Variants in NRAP observed in about 807,000 individuals in gnomAD.
NRAP encodes nebulin-related-anchoring protein.
NRAP carries 189 observed loss-of-function variants against 225.9 expected under a neutral mutation model. That is an observed-to-expected ratio of 0.84 (90% CI 0.74 to 0.94). The LOEUF is 0.94. Ranked by LOEUF, NRAP falls within the 40% of genes least tolerant of loss-of-function variation. The pLI is 0.00. For missense variants in NRAP, 2,176 were observed against 2,168.7 expected (o/e 1.00, Z -0.07); for synonymous variants, 769 against 790.7 (o/e 0.97, Z 0.46).
intron 2 of NRAP, 93 bp from the exon 3 acceptor site, chr10:113,662,859 T>C (rs1850770591): frequency 5.2e-6 from 3 of 581,410 alleles, no homozygotes. Flanking sequence ...TAATAACAGT[T>C]ATTTTTAAAA....
At position 113,626,341 on chromosome 10, in the gene NRAP, GC is replaced by G. The variant is rs200004071; in HGVS notation, c.2146-197del. Among the ~76,000 whole-genome samples, 891 of 152,274 alleles carry G rather than the reference GC, an allele frequency of 5.9e-3. 6 individuals carry two copies. The highest frequency in any genetic ancestry group is 0.02 in the African/African-American group (817 of 41,530). ...CTGTTCCAGTGAACTTGATTTAGTTGCTATTACTGAATGGGAAATGTAATTT... is the reference window on the plus strand; with the variant it reads ...CTGTTCCAGTGAACTTGATTTAGTTGTATTACTGAATGGGAAATGTAATTT... On this transcript the variant is annotated intron_variant, in intron 20 of 41. Transcript: ENST00000359988.
intron 27 of NRAP, 28 bp downstream of exon 27, chr10:113,615,684 A>T: frequency 7.6e-7 from 1 of 1,316,138 alleles, no homozygotes; most frequent in Non-Finnish European, 1.1e-6. Flanking sequence ...CCCGTCATTA[A>T]AACTCGTGCC....
rs1390388471 is a variant in NRAP, at chr10:113,640,338, C to G, written c.1324-7G>C. 4 of 1,490,546 alleles carry G rather than the reference C, an allele frequency of 2.7e-6. No individual in the cohort carries two copies. In the African/African-American group the frequency reaches 4.3e-5, roughly 16 times the overall value. The allele number at this position is 1,490,546 out of a possible 1,614,324, so 92.3% of individuals were successfully genotyped here. ...AATCAGCTTTGTAGGCAACCTAAAA[C>G]AGGAAGAAAAGAAGAAGAATGGAGA... On this transcript the variant is annotated splice_region_variant and splice_polypyrimidine_tract_variant and intron_variant, in intron 13 of 41. Transcript: ENST00000359988.
intron 31 of NRAP, among the ~76,000 whole-genome samples, chr10:113,608,759 A>G (rs1328574500): frequency 6.6e-6 from 1 of 152,224 alleles, no homozygotes; most frequent in Non-Finnish European, 1.5e-5. Context: ...GTCCTTTGCC[A>G]TGAATGTGAA....
intron 25 of NRAP, among the ~76,000 whole-genome samples, chr10:113,618,036 A>G (rs1362899712): frequency 6.6e-6 from 1 of 152,088 alleles, no homozygotes; most frequent in Non-Finnish European, 1.5e-5. Flanking sequence ...GTCCAGTCAC[A>G]TTAGAGCCTA....
At chr10:113,602,307 A>G (rs186704825) in intron 35 of NRAP, among the ~76,000 whole-genome samples, 1 of 152,292 alleles carries the variant, frequency 6.6e-6, no homozygotes, top group Non-Finnish European at 1.5e-5. Context: ...TACCTCTCCC[A>G]GGTGGCCTCT....
chr10:113,612,718 G>A (rs1847409121), intron 29 of NRAP, among the ~76,000 whole-genome samples: 1 of 152,206 alleles, frequency 6.6e-6, no homozygotes, highest in Non-Finnish European at 1.5e-5. Context: ...AATAATGTCA[G>A]TGATTCCCTT....
rs574450557 is a variant in NRAP, at chr10:113,640,340, G to A, written c.1324-9C>T. 6.8e-7 allele frequency: 1 copy of A among 1,464,812 alleles called. No homozygotes were observed. Among genetic ancestry groups the A allele is most frequent in the Non-Finnish European group, 9.3e-7 (1 of 1,071,762 alleles). The allele number at this position is 1,464,812 out of a possible 1,614,324, so 90.7% of individuals were successfully genotyped here. On this transcript the variant is annotated splice_polypyrimidine_tract_variant and intron_variant, in intron 13 of 41. Transcript: ENST00000359988. ...TCAGCTTTGTAGGCAACCTAAAACA[G>A]GAAGAAAAGAAGAAGAATGGAGAAA...
At chr10:113,652,438 A>C (rs3127112) in intron 6 of NRAP, among the ~76,000 whole-genome samples, 1 of 151,888 alleles carries the variant, frequency 6.6e-6, no homozygotes, top group African/African-American at 2.4e-5. Flanking sequence ...TCAAGAGATT[A>C]AGACCATCCT....
chr10:113,610,527 C>T lies in NRAP; in HGVS notation c.3535G>A (p.Val1179Ile), dbSNP rs748612114. 7 of 1,604,052 alleles carry T rather than the reference C, an allele frequency of 4.4e-6. No homozygotes were observed. The East Asian group carries it at 1.3e-4, about 31-fold the overall frequency. The change falls in exon 31 of 42, where the codon GTT becomes ATT. Residue 1179 changes from valine to isoleucine, a missense_variant. By Grantham distance (29) the Val-to-Ile change is conservative (BLOSUM62 3). Transcript: ENST00000359988. ...YRSDLNFMRGVACVIPGTLEI... is the reference protein window; with the variant it reads ...YRSDLNFMRGIACVIPGTLEI... The stretch of plus-strand genomic sequence containing the variant: ...AACGTGCCTGGAATGACACATGCAA[C>T]ACCTCGCATAAAGTTCAGGTCTGAC...
chr10:113,629,729 A>C lies in NRAP; in HGVS notation c.1899T>G (p.Asp633Glu), dbSNP rs764450482. The C allele has an allele frequency of 5.0e-6, 8 of 1,613,922 alleles. No homozygotes were observed. Among genetic ancestry groups the C allele is most frequent in the Admixed American group, 1.7e-5 (1 of 60,008 alleles). Reference sequence around the variant, plus strand: ...TCTTAGCATGCCTGATGTTTACCATATCCATGGGCAGGTGAAACCGGGTCT... The same window carrying C: ...TCTTAGCATGCCTGATGTTTACCATCTCCATGGGCAGGTGAAACCGGGTCT... The part of the protein sequence containing the change: ...ESKTRFHLPM[D>E]MVNIRHAKKA... Residue 633 changes from aspartate to glutamate, a missense_variant, in exon 19 of 42, where the codon GAT becomes GAG. Asp to Glu is a conservative substitution (Grantham distance 45, BLOSUM62 2). Coordinates refer to ENST00000359988, the MANE Select transcript of NRAP (RefSeq NM_198060.4).
At position 113,588,991 on chromosome 10, in the gene NRAP, T is replaced by C. The variant is rs148467563; in HGVS notation, c.5177A>G (p.Lys1726Arg). The C allele has an allele frequency of 1.2e-6, 2 of 1,608,272 alleles. No homozygotes were observed. Among genetic ancestry groups the C allele is most frequent in the South Asian group, 1.1e-5 (1 of 91,046 alleles). The change falls in exon 42 of 42, where the codon AAG becomes AGG. Residue 1726 changes from lysine to arginine, a missense_variant. This residue lies in a region of NRAP where 445 missense variants were observed against 426.1 expected (regional missense o/e 1.04). Coordinates refer to ENST00000359988, the MANE Select transcript of NRAP (RefSeq NM_198060.4). ...GGACATGGCTCACAACAGCAGGGCC[T>C]TCTTCTTTTTGACGTGCAGAATCTC... ...ATEILHVKKK[K>R]ALLL
chr10:113,634,096 A>G lies in NRAP; in HGVS notation c.1527+16T>C. The G allele has an allele frequency of 6.4e-7, 1 of 1,571,830 alleles. No homozygotes were observed. Among genetic ancestry groups the G allele is most frequent in the Non-Finnish European group, 8.8e-7 (1 of 1,141,532 alleles). ...TCAAGACCCCTACATCCAGCTGGGCAGGGACAGTTACTTACATGACTCAGC... is the reference window on the plus strand; with the variant it reads ...TCAAGACCCCTACATCCAGCTGGGCGGGGACAGTTACTTACATGACTCAGC... On this transcript the variant is annotated intron_variant, in intron 15 of 41. Coordinates refer to ENST00000359988, the MANE Select transcript of NRAP (RefSeq NM_198060.4).
intron 35 of NRAP, among the ~76,000 whole-genome samples, chr10:113,602,956 G>A (rs1163270408): frequency 6.6e-6 from 1 of 152,186 alleles, no homozygotes; most frequent in African/African-American, 2.4e-5. Flanking sequence ...TAAAGACCAC[G>A]GATGTTACTA....
Position 113,608,453 on chromosome 10 carries a change from G to A in NRAP, c.3663C>T (p.Asn1221=), listed in dbSNP as rs751131740. 4 of 1,613,482 alleles carry A rather than the reference G, an allele frequency of 2.5e-6. No individual in the cohort carries two copies. The African/African-American group carries it at 4.0e-5, about 16-fold the overall frequency. ...GGTTGCTGAATTTCGCATGAAGGAG[G>A]TTGGGAGTGTCTGTCACAGCTGTGT... is the stretch of plus-strand genomic sequence containing the variant. ...FKYTAVTDTP[N]LLHAKFSNQI... Residue 1221 remains asparagine (N), a synonymous_variant, in exon 32 of 42, where the codon AAC becomes AAT. Coordinates refer to ENST00000359988, the MANE Select transcript of NRAP (RefSeq NM_198060.4).
intron 4 of NRAP, among the ~76,000 whole-genome samples, chr10:113,654,615 T>C (rs973554869): frequency 6.6e-6 from 1 of 151,668 alleles, no homozygotes; most frequent in African/African-American, 2.4e-5. Flanking sequence ...TAGAAAACAG[T>C]TATGTGTTTA....
chr10:113,617,605 C>A (rs749637445), intron 25 of NRAP, 52 bp from the exon 26 acceptor site: 3 of 1,051,344 alleles, frequency 2.9e-6, no homozygotes, highest in Admixed American at 1.7e-5. Flanking sequence ...CTCTTTCATG[C>A]CATTTGAAAG....
intron 9 of NRAP, among the ~76,000 whole-genome samples, chr10:113,648,680 GC>G (rs1849750632): frequency 6.6e-6 from 1 of 152,044 alleles, no homozygotes; most frequent in Non-Finnish European, 1.5e-5. Flanking sequence ...GGCGAGTCAT[GC>G]TAAATCACAA....
At chr10:113,606,881 C>A (rs902468000) in intron 32 of NRAP, among the ~76,000 whole-genome samples, 1 of 151,752 alleles carries the variant, frequency 6.6e-6, no homozygotes, top group African/African-American at 2.4e-5. Context: ...GCCTGGCCAA[C>A]ATGGTGAAAC....
Sources: allele counts gnomAD v4.1 joint callset (sites outside exome capture counted in the v4.1 genomes callset), GRCh38; gene constraint gnomAD v4.1.1; regional missense constraint gnomAD v4.1.1; transcripts MANE v1.5; gene names NCBI Gene and HGNC (gene_info 2026-07-23, HGNC 2026-07-21).